The following PI16 variants were observed in gnomAD, a reference collection of about 807,000 sequenced individuals.
The protein encoded by PI16 is peptidase inhibitor 16.
In PI16, 35 loss-of-function variants were observed where a neutral mutation model predicts 38.0. That is an observed-to-expected ratio of 0.92 (90% CI 0.70 to 1.22). The LOEUF (loss-of-function observed/expected upper bound fraction) is 1.22. PI16 is among the 50% of genes most tolerant of loss of function. The pLI is 0.00. For missense variants in PI16, 572 were observed against 593.8 expected, an observed-to-expected ratio of 0.96 and a Z score of 0.38; for synonymous variants, 275 against 252.9, an observed-to-expected ratio of 1.09 and a Z score of -0.83.
intron 1 of PI16, among the ~76,000 whole-genome samples, chr6:36,956,298 C>T (rs2150734819): frequency 6.6e-6 from 1 of 152,352 alleles, no homozygotes; most frequent in South Asian, 2.1e-4. Context: ...CAACAGCTCC[C>T]TGATTGAGGC....
upstream of PI16, among the ~76,000 whole-genome samples, chr6:36,951,560 T>G (rs913561631): frequency 6.6e-6 from 1 of 151,976 alleles, no homozygotes; most frequent in Non-Finnish European, 1.5e-5. Context: ...TTCAAATTGT[T>G]TTGTTGTTGT....
intron 5 of PI16, 26 bp from the exon 6 acceptor site, chr6:36,963,797 G>A (rs1421049907): frequency 3.2e-6 from 5 of 1,561,900 alleles, no homozygotes; most frequent in Admixed American, 2.0e-5. Flanking sequence ...TCTCTAGGCT[G>A]AGGCAAAGCC....
In PI16 at chr6:36,963,819, A is replaced by T; in HGVS notation, c.1271-4A>T. 2 of 1,580,542 alleles carry T rather than the reference A, an allele frequency of 1.3e-6. No homozygotes were observed. The highest frequency in any genetic ancestry group is 1.4e-5 in the African/African-American group (1 of 73,338). On this transcript the variant is annotated splice_polypyrimidine_tract_variant and splice_region_variant and intron_variant, in intron 5 of 6. Coordinates refer to ENST00000373674, the MANE Select transcript of PI16 (RefSeq NM_153370.3). The stretch of plus-strand genomic sequence containing the variant: ...GCTGAGGCAAAGCCTCTTTCTTCCC[A>T]CAGGTGCAGAGGGCCCTGACAAGCC...
At chr6:36,951,955 GATACA>G (rs1318013798), upstream of PI16, among the ~76,000 whole-genome samples, 1 of 150,530 alleles carries the variant, frequency 6.6e-6, no homozygotes, top group Non-Finnish European at 1.5e-5. Context: ...TCCCTTATCA[GATACA>G]TGATTTGCAA....
chr6:36,963,554 C>A lies in PI16; in HGVS notation c.1212C>A (p.Thr404=). The change falls in exon 5 of 7, where the codon ACC becomes ACA. Residue 404 remains threonine (T), a synonymous_variant. Coordinates refer to ENST00000373674, the MANE Select transcript of PI16 (RefSeq NM_153370.3). The stretch of plus-strand genomic sequence containing the variant: ...AGTCCCTGCCCAATTTCCCCAATAC[C>A]TCTGCCACCGCTAATGCCACGGGTG... ...SSKSLPNFPN[T]SATANATGGR... 6.2e-7 allele frequency: 1 copy of A among 1,614,210 alleles called. No individual in the cohort carries two copies. Among genetic ancestry groups the A allele is most frequent in the Non-Finnish European group, 8.5e-7 (1 of 1,180,034 alleles).
chr6:36,954,406 T>C (rs1487252691), upstream of PI16: 2 of 188,430 alleles, frequency 1.1e-5, no homozygotes, highest in Non-Finnish European at 2.2e-5. Flanking sequence ...CTTTCTCTTA[T>C]CTATCTTCAA....
intron 1 of PI16, among the ~76,000 whole-genome samples, chr6:36,957,105 T>C (rs1763227778): frequency 6.6e-6 from 1 of 152,204 alleles, no homozygotes; most frequent in Non-Finnish European, 1.5e-5. Context: ...GGCCTGACCC[T>C]GCTCAAAATC....
At chr6:36,955,530 T>C (rs1763180393) in intron 1 of PI16, among the ~76,000 whole-genome samples, 1 of 152,122 alleles carries the variant, frequency 6.6e-6, no homozygotes, top group Admixed American at 6.5e-5. Context: ...AGGCAAGTCC[T>C]GTAACCTTGC....
chr6:36,963,775 C>G, intron 5 of PI16, 48 bp from the exon 6 acceptor site: 1 of 1,539,600 alleles, frequency 6.5e-7, no homozygotes, highest in East Asian at 2.3e-5. Context: ...GGCGGGACAT[C>G]AGGCACAGCT....
intron 5 of PI16, 39 bp downstream of exon 5, chr6:36,963,651 C>G (rs1256430233): frequency 6.3e-7 from 1 of 1,595,704 alleles, no homozygotes; most frequent in Non-Finnish European, 8.6e-7. Context: ...CCTCCTGGCT[C>G]TGGAATGTCA....
chr6:36,949,894 AT>A (rs36022394), upstream of PI16, among the ~76,000 whole-genome samples: 435 of 143,452 alleles, frequency 3.0e-3, 2 homozygotes, highest in African/African-American at 7.8e-3. Flanking sequence ...AAAGTTGGAT[AT>A]TTTTTTTTTT....
chr6:36,961,694 G>A, intron 3 of PI16, 134 bp downstream of exon 3: 1 of 930,196 alleles, frequency 1.1e-6, no homozygotes, highest in Non-Finnish European at 1.7e-6. Context: ...CCAGGGAGCT[G>A]TGAAGGCACC....
intron 5 of PI16, 94 bp from the exon 6 acceptor site, chr6:36,963,729 C>T: frequency 6.5e-7 from 1 of 1,530,760 alleles, no homozygotes. Flanking sequence ...GAGCTTCCTC[C>T]CTGGCTGCTG....
chr6:36,962,043 A>G lies in PI16; in HGVS notation c.592+69A>G, dbSNP rs1428865057. ...GATGCGATGCAGACTGGATGGTCTAAGAGCCTCCCTGGACTGAGCGGGACG... is the reference window on the plus strand; with the variant it reads ...GATGCGATGCAGACTGGATGGTCTAGGAGCCTCCCTGGACTGAGCGGGACG... On this transcript the variant is annotated intron_variant, in intron 4 of 6. Coordinates refer to ENST00000373674, the MANE Select transcript of PI16 (RefSeq NM_153370.3). This position sits in a 1 kb window ranked among gnomAD's most constrained non-coding sequence, Gnocchi z 4.1. The G allele has an allele frequency of 7.3e-7, 1 of 1,368,260 alleles. No individual in the cohort carries two copies. The highest frequency in any genetic ancestry group is 1.7e-5 in the Admixed American group (1 of 59,550). The allele number at this position is 1,368,260 out of a possible 1,614,324, so 84.8% of individuals were successfully genotyped here.
intron 2 of PI16, among the ~76,000 whole-genome samples, chr6:36,960,325 A>ATGTGTGTGTGTGTGTGTGTGTGTGTG (rs10664545): frequency 7.1e-6 from 1 of 139,920 alleles, no homozygotes; most frequent in African/African-American, 2.7e-5. Context: ...TGCAGATAAG[A>ATGTGTGTGTGTGTGTGTGTGTGTGTG]TGTGTGTGTG....
Position 36,962,413 on chromosome 6 carries a change from G to C in PI16, c.592+439G>C, listed in dbSNP as rs1282380014. Among the ~76,000 whole-genome samples the C allele has an allele frequency of 2.0e-5, 3 of 152,364 alleles. No individual in the cohort carries two copies. In the East Asian group the frequency reaches 5.8e-4, roughly 29 times the overall value. ...TACGAATGTAGAGAGACTTGGACCA[G>C]GAGGTGGCTAGAGGAGCAACTGTGT... On this transcript the variant is annotated intron_variant, in intron 4 of 6. Coordinates refer to ENST00000373674, the MANE Select transcript of PI16 (RefSeq NM_153370.3). This position sits in a 1 kb window ranked among gnomAD's most constrained non-coding sequence, Gnocchi z 4.1.
chr6:36,949,415 C>G lies in PI16; in HGVS notation c.-82+1011C>G, dbSNP rs1029560525. Among the ~76,000 whole-genome samples the G allele has an allele frequency of 4.6e-5, 7 of 152,336 alleles. No individual in the cohort carries two copies. The East Asian group carries it at 1.4e-3, about 29-fold the overall frequency. On this transcript the variant is annotated intron_variant, in intron 1 of 7. Transcript: ENST00000611814. The stretch of plus-strand genomic sequence containing the variant: ...AGGATTACAGGCTTGAGCCACCGCG[C>G]CCGGTCACTAAGTCCCCTTATTTCT...
At chr6:36,959,721 A>G (rs1299518280) in intron 2 of PI16, among the ~76,000 whole-genome samples, 8 of 152,284 alleles carry the variant, frequency 5.3e-5, no homozygotes, top group Admixed American at 4.6e-4. Context: ...AAAAAAATAC[A>G]AAAAACTTTG....
Position 36,959,382 on chromosome 6 carries a change from G to C in PI16, c.393+16G>C. 6.5e-7 allele frequency: 1 copy of C among 1,538,892 alleles called. No homozygotes were observed. Among genetic ancestry groups the C allele is most frequent in the Non-Finnish European group, 8.8e-7 (1 of 1,142,188 alleles). On this transcript the variant is annotated intron_variant, in intron 2 of 6. Coordinates refer to ENST00000373674, the MANE Select transcript of PI16 (RefSeq NM_153370.3). ...CTACACGCAGGTGTGGGCCCGGCGGGCGAGGCGGGGCGGAGCCTCGCGGCG... is the reference window on the plus strand; with the variant it reads ...CTACACGCAGGTGTGGGCCCGGCGGCCGAGGCGGGGCGGAGCCTCGCGGCG...
Sources: gnomAD v4.1 joint callset for allele counts (sites outside exome capture counted in the v4.1 genomes callset) on GRCh38, gnomAD v4.1.1 for gene constraint, Gnocchi (gnomAD v3.1) non-coding constraint, MANE v1.5 for transcripts, NCBI Gene and HGNC (gene_info 2026-07-23, HGNC 2026-07-21) for gene names.